Variants in TBCEL observed in about 807,000 individuals in gnomAD.
The protein encoded by TBCEL is tubulin-specific chaperone cofactor E-like protein.
Under a neutral mutation model 44.2 loss-of-function variants are expected in TBCEL, and 15 were observed. The observed-to-expected ratio is 0.34, with a 90% confidence interval of 0.23 to 0.52. The LOEUF is 0.52. TBCEL is among the 20% of genes least tolerant of loss of function. The pLI is 0.95. For synonymous variants in TBCEL, 171 were observed against 185.4 expected, an observed-to-expected ratio of 0.92 and a Z score of 0.63; for missense variants, 319 against 506.3, an observed-to-expected ratio of 0.63 and a Z score of 3.55.
intron 1 of TBCEL, among the ~76,000 whole-genome samples, chr11:121,029,740 T>G (rs1314110086): frequency 6.6e-6 from 1 of 152,000 alleles, no homozygotes; most frequent in Non-Finnish European, 1.5e-5. Flanking sequence ...AAACTGTTCT[T>G]GGAATAATGC....
At chr11:121,044,155 A>C (rs796829472) in intron 2 of TBCEL, among the ~76,000 whole-genome samples, 5 of 152,142 alleles carry the variant, frequency 3.3e-5, no homozygotes, top group African/African-American at 1.2e-4. Context: ...TTATTCTACC[A>C]GTGAATCACT....
In TBCEL at chr11:121,090,224, A is replaced by G. The variant is rs1000380213; in HGVS notation, c.*3128A>G. The G allele has an allele frequency of 2.6e-5, 4 of 152,196 alleles. No individual in the cohort carries two copies. Among genetic ancestry groups the G allele is most frequent in the Admixed American group, 1.3e-4 (2 of 15,270 alleles). The allele number at this position is 152,196 out of a possible 1,614,324, so 9.4% of individuals were successfully genotyped here. On this transcript the variant is annotated 3_prime_UTR_variant, in exon 9 of 9. Coordinates refer to ENST00000683345, the MANE Select transcript of TBCEL (RefSeq NM_001363644.2). ...ATTTTGCTTATTTTTAAAGACAGGA[A>G]AATTCAGTTCTAACCAGATGTTCCA...
chr11:121,054,928 C>G, intron 5 of TBCEL, 124 bp from the exon 6 acceptor site: 1 of 1,023,428 alleles, frequency 9.8e-7, no homozygotes, highest in Middle Eastern at 3.4e-4. Context: ...GGTATTTTCT[C>G]CACAATTCCT....
Position 121,045,786 on chromosome 11 carries a change from C to T in TBCEL, c.96C>T (p.Val32=), listed in dbSNP as rs1945419544. Residue 32 remains valine (V), a synonymous_variant, in exon 3 of 9, where the codon GTC becomes GTT. Transcript: ENST00000683345. ...ATCGCCGTGGCCCGGGGATGGGAGT[C>T]CATGTCCCAGCCACACCTCAGGGCT... The part of the protein sequence containing the change: ...FPYRRGPGMG[V]HVPATPQGSP... 1 of 1,610,860 alleles carries T rather than the reference C, an allele frequency of 6.2e-7. No individual in the cohort carries two copies. The highest frequency in any genetic ancestry group is 8.5e-7 in the Non-Finnish European group (1 of 1,178,912).
At chr11:121,072,676 G>A (rs574273895) in intron 8 of TBCEL, among the ~76,000 whole-genome samples, 54 of 151,554 alleles carry the variant, frequency 3.6e-4, no homozygotes, top group African/African-American at 1.3e-3. Context: ...TTTCAACCTG[G>A]TCTTTTCACC....
Position 121,051,124 on chromosome 11 carries a change from C to G in TBCEL, c.274-2427C>G, listed in dbSNP as rs1945521054. 2.0e-5 allele frequency among the ~76,000 whole-genome samples: 3 copies of G among 151,060 alleles called. No individual in the cohort carries two copies. The South Asian group carries it at 6.2e-4, about 31-fold the overall frequency. On this transcript the variant is annotated intron_variant, in intron 4 of 8. Transcript: ENST00000683345. ...TTATTTCTAACATTTGTTATTTTTC[C>G]TGCTTGAATGATTAAATTCTAGTTC... is the stretch of plus-strand genomic sequence containing the variant.
intron 2 of TBCEL, among the ~76,000 whole-genome samples, chr11:121,044,545 A>G (rs1316816137): frequency 6.6e-6 from 1 of 152,122 alleles, no homozygotes; most frequent in Non-Finnish European, 1.5e-5. Flanking sequence ...GAGCCTGTAT[A>G]TCCTTCTCCC....
intron 8 of TBCEL, among the ~76,000 whole-genome samples, chr11:121,076,071 C>T (rs1324395809): frequency 2.6e-5 from 4 of 151,850 alleles, no homozygotes; most frequent in African/African-American, 9.7e-5. Flanking sequence ...AGTACCACAC[C>T]ATCTTGATTA....
intron 7 of TBCEL, among the ~76,000 whole-genome samples, chr11:121,058,983 C>T (rs1945671102): frequency 6.6e-6 from 1 of 151,922 alleles, no homozygotes; most frequent in Admixed American, 6.6e-5. Context: ...TCAGCCTCTG[C>T]CTCCACATAC....
At chr11:121,039,930 T>C (rs1945301314) in intron 2 of TBCEL, among the ~76,000 whole-genome samples, 2 of 152,228 alleles carry the variant, frequency 1.3e-5, no homozygotes, top group African/African-American at 4.8e-5. Flanking sequence ...GTTGTACAAA[T>C]GGGTCCTTGT....
intron 2 of TBCEL, among the ~76,000 whole-genome samples, chr11:121,037,235 GGGAT>G (rs1352731803): frequency 1.3e-5 from 2 of 152,202 alleles, no homozygotes; most frequent in Non-Finnish European, 2.9e-5. Flanking sequence ...GTTATGATAA[GGGAT>G]TTATCAGCTA....
At chr11:121,054,374 TCTAACTCTA>T (rs1380836116) in intron 5 of TBCEL, among the ~76,000 whole-genome samples, 1 of 151,824 alleles carries the variant, frequency 6.6e-6, no homozygotes, top group Non-Finnish European at 1.5e-5. Context: ...AATTTCACAC[TCTAACTCTA>T]ATGAGATTGG....
At chr11:121,036,455 T>G (rs1169089459) in intron 1 of TBCEL, 50 bp from the exon 2 acceptor site, 4 of 152,182 alleles carry the variant, frequency 2.6e-5, no homozygotes, top group Non-Finnish European at 5.9e-5. Context: ...CCTTTTTGGT[T>G]GTTTTTGTTG....
At chr11:121,065,828 G>C (rs1464913498) in intron 8 of TBCEL, among the ~76,000 whole-genome samples, 1 of 152,194 alleles carries the variant, frequency 6.6e-6, no homozygotes, top group Admixed American at 6.5e-5. Flanking sequence ...GTGACCACAG[G>C]TGATAATTGT....
At chr11:121,037,384 A>G (rs561008038) in intron 2 of TBCEL, among the ~76,000 whole-genome samples, 1 of 152,204 alleles carries the variant, frequency 6.6e-6, no homozygotes, top group Non-Finnish European at 1.5e-5. Flanking sequence ...ACTTAGCTAT[A>G]TTACATAATG....
rs1946231529 is a variant in TBCEL at position 121,087,184 on chromosome 11, T to A, written c.*88T>A. On this transcript the variant is annotated 3_prime_UTR_variant, in exon 9 of 9. Transcript: ENST00000683345. Reference sequence around the variant, plus strand: ...GTGGTTTTCTTTAGGAGGGAGAGGTTGTTTTTGTTTTGTTTTGTTCTGTTT... The same window carrying A: ...GTGGTTTTCTTTAGGAGGGAGAGGTAGTTTTTGTTTTGTTTTGTTCTGTTT... 4 of 1,325,918 alleles carry A rather than the reference T, an allele frequency of 3.0e-6. No homozygotes were observed. The highest frequency in any genetic ancestry group is 4.1e-6 in the Non-Finnish European group (4 of 975,630). 82.1% of individuals were successfully genotyped at this position (1,325,918 alleles called of 1,614,324 possible). A position where few individuals can be genotyped will look rare whatever the true frequency, so the allele number is the denominator to read the frequency against.
chr11:121,069,901 A>G (rs1343675786), intron 8 of TBCEL, among the ~76,000 whole-genome samples: 2 of 152,204 alleles, frequency 1.3e-5, no homozygotes, highest in African/African-American at 4.8e-5. Flanking sequence ...CTCGGACAGT[A>G]GGGCTTATTC....
intron 8 of TBCEL, among the ~76,000 whole-genome samples, chr11:121,072,666 T>G (rs1945957346): frequency 6.6e-6 from 1 of 152,104 alleles, no homozygotes; most frequent in Non-Finnish European, 1.5e-5. Context: ...TATTGTGGCT[T>G]TTCAACCTGG....
intron 7 of TBCEL, 52 bp from the exon 8 acceptor site, chr11:121,059,917 C>T (rs971404322): frequency 7.8e-7 from 1 of 1,284,560 alleles, no homozygotes; most frequent in Admixed American, 2.0e-5. Context: ...CTTTCTAAAG[C>T]TAAATATATT....
Sources: allele counts gnomAD v4.1 joint callset (sites outside exome capture counted in the v4.1 genomes callset), GRCh38; gene constraint gnomAD v4.1.1; transcripts MANE v1.5; gene names NCBI Gene and HGNC (gene_info 2026-07-23, HGNC 2026-07-21).